Variants in LRRC53 observed in about 807,000 individuals in gnomAD.
LRRC53 encodes the protein leucine rich repeat containing 53, also known as leucine-rich repeat-containing protein 53.
In LRRC53, 25 loss-of-function variants were observed where a neutral mutation model predicts 13.6. That is an observed-to-expected ratio of 1.83 (90% CI 1.34 to 2.56). The LOEUF (loss-of-function observed/expected upper bound fraction) is 2.56, where lower values mean the gene tolerates loss of function less well. LRRC53 is among the 30% of genes most tolerant of loss of function. The pLI, the probability that LRRC53 is intolerant of heterozygous loss-of-function variation, is 0.00. For missense variants in LRRC53, 527 were observed against 275.8 expected, an observed-to-expected ratio of 1.91 and a Z score of -6.45; for synonymous variants, 204 against 109.8, an observed-to-expected ratio of 1.86 and a Z score of -5.37.
At chr1:74,513,196 C>T (rs757255391), upstream of LRRC53, among the ~76,000 whole-genome samples, 10 of 152,112 alleles carry the variant, frequency 6.6e-5, no homozygotes, top group Admixed American at 1.3e-4. Context: ...AGAAAGAGTC[C>T]GAATGACCCA....
chr1:74,494,285 C>A (rs1202145324), intron 1 of LRRC53, among the ~76,000 whole-genome samples: 1 of 152,194 alleles, frequency 6.6e-6, no homozygotes, highest in African/African-American at 2.4e-5. Flanking sequence ...ATACAATCTA[C>A]AAATTGCAAT....
At chr1:74,530,909 GT>G in the LRRC53 span, among the ~76,000 whole-genome samples, 1 of 152,026 alleles carries the variant, frequency 6.6e-6, no homozygotes, top group African/African-American at 2.4e-5. Flanking sequence ...GTGTTGTTAG[GT>G]TACTGTTGAG....
intron 1 of LRRC53, chr1:74,489,128 T>C (rs952293209): frequency 2.1e-6 from 3 of 1,458,440 alleles, no homozygotes; most frequent in African/African-American, 1.4e-5. Context: ...AATTTTAACA[T>C]CCAAAGAGAG....
At chr1:74,529,081 A>G in the LRRC53 span, among the ~76,000 whole-genome samples, 1 of 152,376 alleles carries the variant, frequency 6.6e-6, no homozygotes, top group East Asian at 1.9e-4. Flanking sequence ...AAGTTCATAT[A>G]GATATAAATA....
At chr1:74,478,079 A>C (rs1211861551) in intron 3 of LRRC53, among the ~76,000 whole-genome samples, 1 of 152,200 alleles carries the variant, frequency 6.6e-6, no homozygotes, top group Non-Finnish European at 1.5e-5. Context: ...CTGAAGAAGA[A>C]AATGGTCTCA....
chr1:74,534,669 C>T, the LRRC53 span, among the ~76,000 whole-genome samples: 13 of 152,168 alleles, frequency 8.5e-5, no homozygotes, highest in African/African-American at 3.1e-4. Flanking sequence ...GATTAAATTA[C>T]ATAGAGTTTT....
chr1:74,505,987 T>G (rs1354925057), intron 1 of LRRC53, among the ~76,000 whole-genome samples: 2 of 152,156 alleles, frequency 1.3e-5, no homozygotes, highest in African/African-American at 4.8e-5. Context: ...AAAAATGAAA[T>G]CACTTTTTGT....
At chr1:74,510,995 C>T (rs1670183865) in intron 1 of LRRC53, among the ~76,000 whole-genome samples, 1 of 152,040 alleles carries the variant, frequency 6.6e-6, no homozygotes, top group African/African-American at 2.4e-5. Context: ...TCAAGTGATT[C>T]TCCTGCCTCA....
intron 1 of LRRC53, among the ~76,000 whole-genome samples, chr1:74,499,008 A>G (rs1256808993): frequency 2.6e-5 from 4 of 152,238 alleles, no homozygotes; most frequent in Non-Finnish European, 5.9e-5. Context: ...TGACTCATTC[A>G]TTTTATATTC....
At chr1:74,479,423 A>G (rs1465011115) in intron 3 of LRRC53, among the ~76,000 whole-genome samples, 2 of 152,218 alleles carry the variant, frequency 1.3e-5, no homozygotes, top group Non-Finnish European at 2.9e-5. Context: ...TGGTCTGGGG[A>G]AGTATGGGCC....
chr1:74,530,796 C>G, the LRRC53 span, among the ~76,000 whole-genome samples: 1 of 151,228 alleles, frequency 6.6e-6, no homozygotes, highest in African/African-American at 2.4e-5. Flanking sequence ...AGAGTATGTT[C>G]CTCAGTTTTA....
In LRRC53 at chr1:74,471,080, C is replaced by T; in HGVS notation, c.2542G>A (p.Ala848Thr). The T allele has an allele frequency of 2.5e-6, 1 of 400,746 alleles. No homozygotes were observed. The highest frequency in any genetic ancestry group is 2.0e-5 in the African/African-American group (1 of 48,816). 24.8% of individuals were successfully genotyped at this position (400,746 alleles called of 1,614,324 possible). A position where few individuals can be genotyped will look rare whatever the true frequency, so the allele number is the denominator to read the frequency against. ...TGAGAATGTGAGTGCCTGTGCTCAG[C>T]ATCAGTGGGTGTAGGTTGGGGCAAT... Reference protein sequence around the residue: ...SKLPQPTPTDAEHRHSHSQFS... With the variant: ...SKLPQPTPTDTEHRHSHSQFS... Residue 848 changes from alanine (A) to threonine (T), a missense_variant, in exon 5 of 5, where the codon GCT becomes ACT. Coordinates refer to ENST00000294635, the MANE Select transcript of LRRC53 (RefSeq NM_001382280.1).
At chr1:74,515,951 G>A (rs1411730032), upstream of LRRC53, among the ~76,000 whole-genome samples, 3 of 152,188 alleles carry the variant, frequency 2.0e-5, no homozygotes, top group Non-Finnish European at 4.4e-5. Context: ...GTCTGACTCA[G>A]TTGAGAAGAA....
At chr1:74,477,353 T>C (rs1668256770) in intron 3 of LRRC53, among the ~76,000 whole-genome samples, 1 of 152,108 alleles carries the variant, frequency 6.6e-6, no homozygotes, top group East Asian at 1.9e-4. Flanking sequence ...ATGTGACATG[T>C]TTAATACAGT....
At chr1:74,511,028 C>T (rs868022635) in intron 1 of LRRC53, among the ~76,000 whole-genome samples, 7 of 152,008 alleles carry the variant, frequency 4.6e-5, no homozygotes, top group African/African-American at 7.3e-5. Context: ...GCTGGAATTA[C>T]AGGCGTCTGC....
upstream of LRRC53, among the ~76,000 whole-genome samples, chr1:74,516,173 T>C (rs1220487315): frequency 6.6e-6 from 1 of 152,192 alleles, no homozygotes; most frequent in Non-Finnish European, 1.5e-5. Flanking sequence ...TTTTTAAAAA[T>C]ATGGTCATTT....
chr1:74,519,028 C>T, the LRRC53 span, among the ~76,000 whole-genome samples: 4 of 107,582 alleles, frequency 3.7e-5, no homozygotes, highest in Admixed American at 3.7e-4. Context: ...GCTATCCCTT[C>T]CCCCTCCCCC....
intron 1 of LRRC53, among the ~76,000 whole-genome samples, chr1:74,508,799 G>C (rs1570719155): frequency 6.6e-6 from 1 of 152,148 alleles, no homozygotes; most frequent in African/African-American, 2.4e-5. Context: ...TGAAGCCAGA[G>C]GTATGTGTTC....
intron 1 of LRRC53, among the ~76,000 whole-genome samples, chr1:74,483,875 T>G (rs1032272228): frequency 2.0e-5 from 3 of 152,292 alleles, no homozygotes; most frequent in African/African-American, 7.2e-5. Flanking sequence ...TTCTTACTCC[T>G]TATAGATTTA....
Sources: gnomAD v4.1 joint callset for allele counts (sites outside exome capture counted in the v4.1 genomes callset) on GRCh38, gnomAD v4.1.1 for gene constraint, MANE v1.5 for transcripts, NCBI Gene and HGNC (gene_info 2026-07-23, HGNC 2026-07-21) for gene names.